Variants in BABAM2 observed in about 807,000 individuals in gnomAD.
BABAM2 encodes BRISC and BRCA1 A complex member 2, also known as BRISC and BRCA1-A complex member 2.
BABAM2 carries 31 observed loss-of-function variants against 54.7 expected under a neutral mutation model. The ratio of observed to expected loss-of-function variants is 0.57; its 90% CI spans 0.43 to 0.77. BABAM2 has a LOEUF of 0.77. Ranked by LOEUF, BABAM2 falls within the 30% of genes least tolerant of loss-of-function variation. The pLI is 0.00. For missense variants in BABAM2, 364 were observed against 455.8 expected (o/e 0.80, Z 1.83); for synonymous variants, 167 against 162.9 (o/e 1.03, Z -0.19).
chr2:27,938,254 C>T (rs1247866255), intron 3 of BABAM2, among the ~76,000 whole-genome samples: 1 of 152,170 alleles, frequency 6.6e-6, no homozygotes, highest in East Asian at 1.9e-4. Flanking sequence ...ACATAATATT[C>T]GTCTTTAGAT....
At chr2:27,950,349 A>G (rs916410390) in intron 3 of BABAM2, among the ~76,000 whole-genome samples, 1 of 152,218 alleles carries the variant, frequency 6.6e-6, no homozygotes, top group Admixed American at 6.5e-5. Flanking sequence ...ACTACCACAG[A>G]AAAAAATCAA....
At chr2:28,277,381 A>G (rs981424063) in intron 10 of BABAM2, among the ~76,000 whole-genome samples, 2 of 152,218 alleles carry the variant, frequency 1.3e-5, no homozygotes, top group African/African-American at 4.8e-5. Flanking sequence ...CTGGGATTAC[A>G]GACGTGAGCC....
intron 10 of BABAM2, among the ~76,000 whole-genome samples, chr2:28,283,336 T>C (rs913318108): frequency 6.6e-6 from 1 of 152,216 alleles, no homozygotes; most frequent in Non-Finnish European, 1.5e-5. Flanking sequence ...TTAGCAAGTA[T>C]ATCCTCTGTT....
chr2:28,038,878 A>C (rs922963170), intron 5 of BABAM2, among the ~76,000 whole-genome samples: 4 of 152,124 alleles, frequency 2.6e-5, no homozygotes, highest in African/African-American at 9.7e-5. Flanking sequence ...AGAGCGATTT[A>C]TTTTCCTTTG....
At position 27,921,812 on chromosome 2, in the gene BABAM2, G is replaced by A. The variant is rs534230195; in HGVS notation, c.129-8020G>A. On this transcript the variant is annotated intron_variant, in intron 2 of 11. Coordinates refer to ENST00000379624, the MANE Select transcript of BABAM2 (RefSeq NM_199191.3). ...TTAAAGTTTAAATTCTGAGTTGTGT[G>A]TACAGTTCTTCAAAGGGAAAACCTT... 1.2e-4 allele frequency among the ~76,000 whole-genome samples: 18 copies of A among 152,288 alleles called. No homozygotes were observed. The South Asian group carries it at 3.7e-3, about 32-fold the overall frequency.
intron 4 of BABAM2, among the ~76,000 whole-genome samples, chr2:28,020,887 G>T (rs149053042): frequency 4.6e-5 from 7 of 151,330 alleles, no homozygotes; most frequent in African/African-American, 1.7e-4. Flanking sequence ...AGATTAGCTA[G>T]ATTCCCAGAA....
At position 27,993,993 on chromosome 2, in the gene BABAM2, G is replaced by C. The variant is rs952868271; in HGVS notation, c.300+5906G>C. 2.5e-4 allele frequency among the ~76,000 whole-genome samples: 38 copies of C among 152,186 alleles called. 1 individual carries two copies. Among genetic ancestry groups the C allele is most frequent in the African/African-American group, 8.4e-4 (35 of 41,442 alleles). On this transcript the variant is annotated intron_variant, in intron 4 of 11. Transcript: ENST00000379624. Reference sequence around the variant, plus strand: ...TTGAAAAACGCTATCCCGATGGATGGTGCTCGATGCCTAGACACTTTTAAG... The same window carrying C: ...TTGAAAAACGCTATCCCGATGGATGCTGCTCGATGCCTAGACACTTTTAAG...
At chr2:28,109,184 C>CTTTTTTTTTT (rs764380110) in intron 6 of BABAM2, among the ~76,000 whole-genome samples, 1 of 101,890 alleles carries the variant, frequency 9.8e-6, no homozygotes, top group Non-Finnish European at 2.0e-5. Flanking sequence ...GACACATACT[C>CTTTTTTTTTT]TTTTTTTTTT....
intron 11 of BABAM2, among the ~76,000 whole-genome samples, chr2:28,314,497 G>A (rs1032163413): frequency 6.6e-6 from 1 of 152,218 alleles, no homozygotes; most frequent in Admixed American, 6.5e-5. Flanking sequence ...TGTTTGCCTT[G>A]GTTGACACTC....
intron 2 of BABAM2, among the ~76,000 whole-genome samples, chr2:27,900,851 G>A (rs570619001): frequency 6.6e-6 from 1 of 152,140 alleles, no homozygotes; most frequent in South Asian, 2.1e-4. Context: ...AGGTCATCCT[G>A]GCTAACACGG....
chr2:28,073,361 C>T (rs748013306), intron 6 of BABAM2, among the ~76,000 whole-genome samples: 22 of 151,788 alleles, frequency 1.4e-4, no homozygotes, highest in South Asian at 2.1e-4. Flanking sequence ...AGCCAGTTGT[C>T]GTGGTGTGCT....
chr2:28,081,555 A>T (rs187417755), intron 6 of BABAM2, among the ~76,000 whole-genome samples: 67 of 152,310 alleles, frequency 4.4e-4, no homozygotes, highest in African/African-American at 1.2e-3. Context: ...ATTTGAAAAC[A>T]CTAAAAGTGG....
At chr2:28,243,159 C>T (rs1682597171) in intron 9 of BABAM2, among the ~76,000 whole-genome samples, 1 of 152,062 alleles carries the variant, frequency 6.6e-6, no homozygotes, top group Non-Finnish European at 1.5e-5. Flanking sequence ...CTAAAAAGGA[C>T]TATATACTTG....
At chr2:28,337,427 A>C (rs1458428058) in intron 11 of BABAM2, among the ~76,000 whole-genome samples, 1 of 152,154 alleles carries the variant, frequency 6.6e-6, no homozygotes, top group Admixed American at 6.5e-5. Flanking sequence ...GCGTGATCCC[A>C]TGGCTGGGTC....
chr2:28,174,343 A>T (rs1480772440), intron 7 of BABAM2, among the ~76,000 whole-genome samples: 2 of 152,186 alleles, frequency 1.3e-5, no homozygotes, highest in Non-Finnish European at 2.9e-5. Flanking sequence ...TATATATATA[A>T]AAGAAATATG....
chr2:28,305,425 T>C (rs931446047), intron 11 of BABAM2, among the ~76,000 whole-genome samples: 2 of 152,316 alleles, frequency 1.3e-5, no homozygotes, highest in Non-Finnish European at 1.5e-5. Flanking sequence ...TTTTATATTA[T>C]TAAATTTGAT....
intron 7 of BABAM2, among the ~76,000 whole-genome samples, chr2:28,211,028 A>C (rs985157708): frequency 6.6e-6 from 1 of 152,238 alleles, no homozygotes; most frequent in African/African-American, 2.4e-5. Context: ...AATGTAATCT[A>C]TATGATTTGG....
chr2:28,209,624 T>C (rs1019468610), intron 7 of BABAM2, among the ~76,000 whole-genome samples: 5 of 152,210 alleles, frequency 3.3e-5, no homozygotes, highest in Non-Finnish European at 7.3e-5. Flanking sequence ...TACTCATCCA[T>C]TCAACATGCA....
chr2:27,971,172 A>G (rs1671187028), intron 3 of BABAM2, among the ~76,000 whole-genome samples: 1 of 152,122 alleles, frequency 6.6e-6, no homozygotes, highest in South Asian at 2.1e-4. Flanking sequence ...TGTTCTGAAA[A>G]ACATTTTGCC....
Sources: allele counts gnomAD v4.1 joint callset (sites outside exome capture counted in the v4.1 genomes callset), GRCh38; gene constraint gnomAD v4.1.1; transcripts MANE v1.5; gene names NCBI Gene and HGNC (gene_info 2026-07-23, HGNC 2026-07-21).